The following TTC7B variants were observed in gnomAD, a reference collection of about 807,000 sequenced individuals.
TTC7B encodes tetratricopeptide repeat domain 7B, also known as tetratricopeptide repeat protein 7B.
A neutral mutation model predicts 106.8 loss-of-function variants in TTC7B; 28 were observed. That is an observed-to-expected ratio of 0.26 (90% CI 0.19 to 0.36). TTC7B has a LOEUF of 0.36. TTC7B is among the 10% of genes least tolerant of loss of function. The probability of loss-of-function intolerance (pLI) is 1.00; values close to 1 mark genes in which losing one functional copy is unlikely to be tolerated. For synonymous variants in TTC7B, 405 were observed against 430.6 expected (o/e 0.94, Z 0.74); for missense variants, 862 against 1,076.4 (o/e 0.80, Z 2.79).
chr14:90,780,688 G>T, intron 3 of TTC7B, 50 bp downstream of exon 3: 1 of 1,580,790 alleles, frequency 6.3e-7, no homozygotes. Flanking sequence ...CCGAAGAGGC[G>T]CTGCTGGCTC....
chr14:90,731,812 G>A (rs903380837), intron 4 of TTC7B, among the ~76,000 whole-genome samples: 1 of 152,108 alleles, frequency 6.6e-6, no homozygotes, highest in Non-Finnish European at 1.5e-5. Context: ...TGCTGCCAAC[G>A]CCCAAGTTTA....
At chr14:90,542,065 C>A (rs1022528034) in intron 19 of TTC7B, among the ~76,000 whole-genome samples, 4 of 152,024 alleles carry the variant, frequency 2.6e-5, no homozygotes, top group Admixed American at 6.6e-5. Flanking sequence ...TCAGCCTCCC[C>A]AGTAGCTGGG....
intron 4 of TTC7B, among the ~76,000 whole-genome samples, chr14:90,736,127 A>G (rs1228375339): frequency 1.3e-5 from 2 of 151,012 alleles, no homozygotes; most frequent in African/African-American, 4.9e-5. Flanking sequence ...GGGAAATTTT[A>G]ATTGAGAAAA....
intron 15 of TTC7B, among the ~76,000 whole-genome samples, chr14:90,627,468 T>A (rs1344611624): frequency 6.6e-6 from 1 of 152,176 alleles, no homozygotes; most frequent in Non-Finnish European, 1.5e-5. Context: ...CCAGGCCACA[T>A]CTATTTAGCA....
At chr14:90,729,405 G>A (rs1262838288) in intron 5 of TTC7B, among the ~76,000 whole-genome samples, 10 of 152,280 alleles carry the variant, frequency 6.6e-5, no homozygotes, top group East Asian at 5.8e-4. Context: ...CAAAGCCTAC[G>A]GGGGTGCTAC....
intron 3 of TTC7B, among the ~76,000 whole-genome samples, chr14:90,746,460 T>C (rs1235622490): frequency 6.6e-6 from 1 of 152,184 alleles, no homozygotes. Flanking sequence ...TTTCTATCTT[T>C]TCTTCCTGAT....
chr14:90,777,281 G>C (rs983509892), intron 3 of TTC7B, among the ~76,000 whole-genome samples: 1 of 152,070 alleles, frequency 6.6e-6, no homozygotes, highest in African/African-American at 2.4e-5. Context: ...GAGATACTGG[G>C]ATAAAGGGCA....
In TTC7B at chr14:90,644,257, GCACACACA is replaced by G. The variant is rs199817416; in HGVS notation, c.1591-57_1591-50del. ...AGGTTTTACATACACACATGCACAC[GCACACACA>G]CACACACACACACACGCGCGAAAGA... On this transcript the variant is annotated intron_variant, in intron 14 of 19. Transcript: ENST00000328459. 17 of 1,173,646 alleles carry G rather than the reference GCACACACA, an allele frequency of 1.4e-5. No individual in the cohort carries two copies. The African/African-American group carries it at 3.1e-4, about 22-fold the overall frequency. 72.7% of individuals were successfully genotyped at this position (1,173,646 alleles called of 1,614,324 possible).
chr14:90,766,771 G>A (rs2140022187), intron 3 of TTC7B: 1 of 1,573,916 alleles, frequency 6.4e-7, no homozygotes, highest in East Asian at 2.2e-5. Context: ...CAAGATCCCA[G>A]ACTGGTTCTT....
chr14:90,628,364 T>A (rs1182812324), intron 15 of TTC7B, among the ~76,000 whole-genome samples: 1 of 152,180 alleles, frequency 6.6e-6, no homozygotes, highest in African/African-American at 2.4e-5. Context: ...TAGAGGACCT[T>A]CTCTCTGGAG....
At chr14:90,560,633 A>G (rs1300727190) in intron 19 of TTC7B, among the ~76,000 whole-genome samples, 1 of 152,240 alleles carries the variant, frequency 6.6e-6, no homozygotes, top group East Asian at 1.9e-4. Flanking sequence ...CCACATCTAG[A>G]AAAATGAGAA....
intron 1 of TTC7B, among the ~76,000 whole-genome samples, chr14:90,786,836 C>T (rs942740353): frequency 1.3e-5 from 2 of 152,176 alleles, no homozygotes; most frequent in African/African-American, 4.8e-5. Flanking sequence ...CCACCTCGAC[C>T]TCCAAAAGTG....
rs768374096 is a variant in TTC7B, at chr14:90,730,068, G to C, written c.698+7C>G. The C allele has an allele frequency of 1.3e-6, 2 of 1,599,046 alleles. No individual in the cohort carries two copies. The highest frequency in any genetic ancestry group is 2.7e-5 in the African/African-American group (2 of 73,836). On this transcript the variant is annotated splice_region_variant and intron_variant, in intron 5 of 19. Transcript: ENST00000328459. ...GAAGTGGATTTAAAAAAATGAAGAT[G>C]GCTTACCCATTTTTGAAATAGAGGA...
At chr14:90,627,812 C>A (rs1226235770) in intron 15 of TTC7B, among the ~76,000 whole-genome samples, 1 of 152,202 alleles carries the variant, frequency 6.6e-6, no homozygotes, top group Admixed American at 6.5e-5. Context: ...CCTCAAGAAA[C>A]CCCAGTTTGG....
chr14:90,705,187 G>C (rs942524005), intron 5 of TTC7B, among the ~76,000 whole-genome samples: 2 of 152,150 alleles, frequency 1.3e-5, no homozygotes, highest in Admixed American at 1.3e-4. Flanking sequence ...GTATGATCCA[G>C]CTGCACACCT....
rs769848323 is a variant in TTC7B, at chr14:90,657,839, A to G, written c.1236+465T>C. 1.6e-5 allele frequency: 3 copies of G among 192,066 alleles called. No individual in the cohort carries two copies. The highest frequency in any genetic ancestry group is 9.4e-5 in the South Asian group (1 of 10,660). The allele number at this position is 192,066 out of a possible 1,614,324, so 11.9% of individuals were successfully genotyped here. A position where few individuals can be genotyped will look rare whatever the true frequency, so the allele number is the denominator to read the frequency against. ...TTTTACCGAGGAAACTGAGCTGCTC[A>G]GTAACTTGCCTGGGTCACTCAGCTG... is the stretch of plus-strand genomic sequence containing the variant. On this transcript the variant is annotated intron_variant, in intron 10 of 19. Transcript: ENST00000328459. The surrounding 1 kb of genome is among the most constrained non-coding windows in gnomAD (Gnocchi z 4.2).
At chr14:90,809,507 T>C (rs1460907287) in intron 1 of TTC7B, among the ~76,000 whole-genome samples, 1 of 152,198 alleles carries the variant, frequency 6.6e-6, no homozygotes, top group Non-Finnish European at 1.5e-5. Flanking sequence ...GAATGCTGGA[T>C]TGACAACCAG....
rs1889467719 is a variant in TTC7B, at chr14:90,538,269, T to TGGAA, written c.*3098_*3099insTTCC. The TGGAA allele has an allele frequency of 6.6e-6, 1 of 150,840 alleles. No homozygotes were observed. Among genetic ancestry groups the TGGAA allele is most frequent in the African/African-American group, 2.5e-5 (1 of 40,618 alleles). 9.3% of individuals were successfully genotyped at this position (150,840 alleles called of 1,614,324 possible). ...ATGGATGGATGGATGGATGGATGGATGGATGGATGGATGGACGGACGGACG... is the reference window on the plus strand; with the variant it reads ...ATGGATGGATGGATGGATGGATGGATGGAAGGATGGATGGATGGACGGACGGACG... On this transcript the variant is annotated 3_prime_UTR_variant, in exon 20 of 20. Coordinates refer to ENST00000328459, the MANE Select transcript of TTC7B (RefSeq NM_001010854.2).
chr14:90,655,868 T>C (rs1885927084), intron 11 of TTC7B, among the ~76,000 whole-genome samples: 1 of 152,088 alleles, frequency 6.6e-6, no homozygotes, highest in African/African-American at 2.4e-5. Context: ...CTTATTTTTT[T>C]TAAAAAAAAG....
Sources: gnomAD v4.1 joint callset for allele counts (sites outside exome capture counted in the v4.1 genomes callset) on GRCh38, gnomAD v4.1.1 for gene constraint, Gnocchi (gnomAD v3.1) non-coding constraint, MANE v1.5 for transcripts, NCBI Gene and HGNC (gene_info 2026-07-23, HGNC 2026-07-21) for gene names.